The following PARD3 variants were observed in gnomAD, a reference collection of about 807,000 sequenced individuals.
PARD3 encodes the protein partitioning defective 3 homolog.
In PARD3, 75 loss-of-function variants were observed where a neutral mutation model predicts 155.4. That is an observed-to-expected ratio of 0.48 (90% confidence interval 0.40 to 0.58). PARD3 has a LOEUF of 0.58. Among genes scored for constraint, PARD3 ranks in the 20% least tolerant of loss-of-function variants. The pLI is 0.00. For synonymous variants in PARD3, 576 were observed against 610.5 expected, an observed-to-expected ratio of 0.94 and a Z score of 0.83; for missense variants, 1,642 against 1,721.7, an observed-to-expected ratio of 0.95 and a Z score of 0.82.
chr10:34,221,042 G>C (rs191048380), intron 22 of PARD3, among the ~76,000 whole-genome samples: 1 of 152,316 alleles, frequency 6.6e-6, no homozygotes, highest in East Asian at 1.9e-4. Flanking sequence ...CTTCCTGCAG[G>C]GCTGGGTGAA....
chr10:34,635,101 G>A (rs1383059351), intron 2 of PARD3, among the ~76,000 whole-genome samples: 1 of 152,222 alleles, frequency 6.6e-6, no homozygotes, highest in Non-Finnish European at 1.5e-5. Context: ...CTAACATGAG[G>A]TTATAGAAAA....
At chr10:34,733,150 T>G (rs1006989226) in intron 1 of PARD3, among the ~76,000 whole-genome samples, 23 of 152,282 alleles carry the variant, frequency 1.5e-4, no homozygotes, top group Admixed American at 1.1e-3. Context: ...CAATGAAATA[T>G]TTGCCTGCCT....
intron 7 of PARD3, among the ~76,000 whole-genome samples, chr10:34,397,936 C>T (rs1843494554): frequency 6.6e-6 from 1 of 152,004 alleles, no homozygotes; most frequent in African/African-American, 2.4e-5. Flanking sequence ...ATTTAGAACT[C>T]AATTTCTTAC....
intron 2 of PARD3, among the ~76,000 whole-genome samples, chr10:34,530,548 C>A (rs2082776428): frequency 2.0e-5 from 3 of 152,130 alleles, no homozygotes; most frequent in Admixed American, 2.0e-4. Context: ...ATCTTGAAGT[C>A]CTTCATCCCC....
intron 5 of PARD3, among the ~76,000 whole-genome samples, chr10:34,448,533 C>T (rs2076880869): frequency 6.6e-6 from 1 of 152,162 alleles, no homozygotes; most frequent in Non-Finnish European, 1.5e-5. Flanking sequence ...GGCACAGTGG[C>T]TCATGCCTAT....
intron 2 of PARD3, among the ~76,000 whole-genome samples, chr10:34,670,563 T>TCATC (rs2133240533): frequency 6.6e-6 from 1 of 152,290 alleles, no homozygotes; most frequent in South Asian, 2.1e-4. Context: ...CCCAACCCCA[T>TCATC]CCCACTACCA....
chr10:34,477,103 C>A (rs1423746442), intron 3 of PARD3, among the ~76,000 whole-genome samples: 2 of 152,142 alleles, frequency 1.3e-5, no homozygotes, highest in African/African-American at 4.8e-5. Context: ...TTCTGGGGCC[C>A]ATGGCCTATT....
rs777686578 is a variant in PARD3, at chr10:34,341,780, T to A, written c.2255A>T (p.Gln752Leu). Residue 752 changes from glutamine to leucine, a missense_variant, in exon 16 of 25, where the codon CAA becomes CTA. Coordinates refer to ENST00000374788, the MANE Select transcript of PARD3 (RefSeq NM_001184785.2). Reference sequence around the variant, plus strand: ...ATCTTCTATAATGACAGTGTCATCTTGGGGCATATTCACTGTAGGGGACAG... The same window carrying A: ...ATCTTCTATAATGACAGTGTCATCTAGGGGCATATTCACTGTAGGGGACAG... The part of the protein sequence containing the change: ...YQLSPTVNMP[Q>L]DDTVIIEDDR... The A allele has an allele frequency of 8.7e-6, 14 of 1,613,436 alleles. No homozygotes were observed. Among genetic ancestry groups the A allele is most frequent in the African/African-American group, 1.3e-5 (1 of 74,886 alleles).
chr10:34,811,792 A>G (rs1054735059), intron 1 of PARD3, among the ~76,000 whole-genome samples: 5 of 152,170 alleles, frequency 3.3e-5, no homozygotes, highest in African/African-American at 1.2e-4. Flanking sequence ...GCTCAGCACC[A>G]TGTCCACCTG....
At chr10:34,213,800 T>C (rs1302597539) in intron 22 of PARD3, among the ~76,000 whole-genome samples, 2 of 152,232 alleles carry the variant, frequency 1.3e-5, no homozygotes, top group Admixed American at 6.5e-5. Context: ...GAATGTTTCA[T>C]GTGATAATGA....
At position 34,139,504 on chromosome 10, in the gene PARD3, G is replaced by GA. The variant is rs201834386; in HGVS notation, c.3420-7922dup. ...ATTACTAATTCTTCTTGTATCCTGG[G>GA]AAAAAAATAATCTGGGTTATTTTAC... On this transcript the variant is annotated intron_variant, in intron 22 of 24. Coordinates refer to ENST00000374788, the MANE Select transcript of PARD3 (RefSeq NM_001184785.2). Among the ~76,000 whole-genome samples, 963 of 152,112 alleles carry GA rather than the reference G, an allele frequency of 6.3e-3. 9 individuals are homozygous for GA. Among genetic ancestry groups the GA allele is most frequent in the African/African-American group, 0.021 (888 of 41,520 alleles).
At chr10:34,112,020 AGAAG>A (rs1946409303) in intron 24 of PARD3, among the ~76,000 whole-genome samples, 2 of 152,266 alleles carry the variant, frequency 1.3e-5, no homozygotes, top group African/African-American at 4.8e-5. Context: ...CCATAATGCC[AGAAG>A]CGCTAGCTAA....
chr10:34,745,818 C>T (rs534146203), intron 1 of PARD3, among the ~76,000 whole-genome samples: 3 of 151,980 alleles, frequency 2.0e-5, no homozygotes, highest in South Asian at 2.1e-4. Context: ...AATTAAGAAA[C>T]GGCCAGGCGC....
chr10:34,698,500 G>T (rs1292506174), intron 1 of PARD3, among the ~76,000 whole-genome samples: 1 of 152,078 alleles, frequency 6.6e-6, no homozygotes, highest in Non-Finnish European at 1.5e-5. Context: ...AGCTTTTCCT[G>T]ACCATCACAC....
chr10:34,640,099 T>A (rs937809271), intron 2 of PARD3, among the ~76,000 whole-genome samples: 10 of 152,286 alleles, frequency 6.6e-5, no homozygotes, highest in African/African-American at 2.4e-4. Context: ...AGTCTTCCTC[T>A]TGTACAACTG....
chr10:34,373,398 G>A (rs1186972091), intron 11 of PARD3, among the ~76,000 whole-genome samples: 1 of 151,962 alleles, frequency 6.6e-6, no homozygotes, highest in Non-Finnish European at 1.5e-5. Context: ...GCTATATGCT[G>A]GCACTAACTC....
At chr10:34,160,436 C>G (rs1949219300) in intron 22 of PARD3, among the ~76,000 whole-genome samples, 1 of 152,200 alleles carries the variant, frequency 6.6e-6, no homozygotes. Flanking sequence ...TAGGCACCAA[C>G]ACATCAGCCT....
chr10:34,636,141 C>T (rs939741052), intron 2 of PARD3, among the ~76,000 whole-genome samples: 2 of 152,130 alleles, frequency 1.3e-5, no homozygotes, highest in Admixed American at 6.6e-5. Flanking sequence ...AACTCTTCAA[C>T]GGTTTTTCAT....
At chr10:34,618,357 C>T (rs2091405763) in intron 2 of PARD3, among the ~76,000 whole-genome samples, 1 of 152,154 alleles carries the variant, frequency 6.6e-6, no homozygotes, top group Non-Finnish European at 1.5e-5. Context: ...CCCGCAAACA[C>T]TGAAATAGAT....
Sources: gnomAD v4.1 joint callset for allele counts (sites outside exome capture counted in the v4.1 genomes callset) on GRCh38, gnomAD v4.1.1 for gene constraint, MANE v1.5 for transcripts, NCBI Gene and HGNC (gene_info 2026-07-23, HGNC 2026-07-21) for gene names.